KITLG: variants seen among roughly 807,000 people sequenced by gnomAD.
KITLG encodes the protein KIT ligand, also known as c-Kit ligand.
In KITLG, 13 loss-of-function variants were observed where a neutral mutation model predicts 34.1. That is an observed-to-expected ratio of 0.38 (90% confidence interval 0.25 to 0.61). The LOEUF is 0.61. Among genes scored for constraint, KITLG ranks in the 20% least tolerant of loss-of-function variants. KITLG has a pLI of 0.60. For synonymous variants in KITLG, 110 were observed against 104.0 expected (o/e 1.06, Z -0.35); for missense variants, 292 against 318.9 (o/e 0.92, Z 0.64).
intron 3 of KITLG, among the ~76,000 whole-genome samples, chr12:88,524,322 A>C (rs1869788497): frequency 6.6e-6 from 1 of 152,210 alleles, no homozygotes; most frequent in Non-Finnish European, 1.5e-5. Context: ...ACTTTTAAGT[A>C]TGTTTGGAAA....
intron 3 of KITLG, among the ~76,000 whole-genome samples, chr12:88,522,790 A>G (rs1326365849): frequency 6.6e-6 from 1 of 152,164 alleles, no homozygotes; most frequent in Non-Finnish European, 1.5e-5. Context: ...AAAGTAGACA[A>G]AATAATACTG....
chr12:88,506,963 G>A (rs1869086298), intron 7 of KITLG, 65 bp downstream of exon 7: 1 of 922,022 alleles, frequency 1.1e-6, no homozygotes, highest in Admixed American at 1.7e-5. Context: ...CATTTCTTGA[G>A]GAAAAAAAGA....
intron 8 of KITLG, 41 bp from the exon 9 acceptor site, chr12:88,505,276 A>G (rs377048625): frequency 4.0e-6 from 6 of 1,487,442 alleles, no homozygotes; most frequent in Non-Finnish European, 5.6e-6. Context: ...GCTCTTGGTC[A>G]GAGATTCTGA....
intron 1 of KITLG, among the ~76,000 whole-genome samples, chr12:88,567,931 T>C (rs1001388396): frequency 2.6e-5 from 4 of 152,242 alleles, no homozygotes; most frequent in Non-Finnish European, 4.4e-5. Flanking sequence ...AAGCTATTCA[T>C]GATCATACTA....
rs116542818 is a variant in KITLG at position 88,523,903 on chromosome 12, T to C, written c.193-5036A>G. ...AATTAAAGTGCCGTAGAAATCTCAA[T>C]CTGATTAAGATGGTAATCAACCAAA... On this transcript the variant is annotated intron_variant, in intron 3 of 9. Coordinates refer to ENST00000644744, the MANE Select transcript of KITLG (RefSeq NM_000899.5). Among the ~76,000 whole-genome samples, 714 of 152,332 alleles carry C rather than the reference T, an allele frequency of 4.7e-3. 5 individuals carry two copies. The highest frequency in any genetic ancestry group is 0.017 in the African/African-American group (700 of 41,566).
intron 9 of KITLG, among the ~76,000 whole-genome samples, chr12:88,499,503 C>G (rs1592834690): frequency 6.6e-6 from 1 of 152,288 alleles, no homozygotes; most frequent in East Asian, 1.9e-4. Flanking sequence ...TGTGACTAAG[C>G]AATTTCTCTT....
At chr12:88,534,570 T>C (rs529779139) in intron 2 of KITLG, 1 of 407,000 alleles carries the variant, frequency 2.5e-6, no homozygotes, top group Admixed American at 3.8e-5. Context: ...TTTTGCTATG[T>C]TGGCCAGTCT....
chr12:88,571,529 C>G (rs1404788010), intron 1 of KITLG, among the ~76,000 whole-genome samples: 1 of 152,184 alleles, frequency 6.6e-6, no homozygotes, highest in Admixed American at 6.5e-5. Context: ...CCTTGCCAGT[C>G]ATGCACCAAA....
intron 1 of KITLG, among the ~76,000 whole-genome samples, chr12:88,558,994 C>T (rs973587980): frequency 1.3e-5 from 2 of 151,902 alleles, no homozygotes; most frequent in East Asian, 3.9e-4. Context: ...GATGGGTGCA[C>T]CAAAATCTCA....
intron 9 of KITLG, among the ~76,000 whole-genome samples, chr12:88,497,849 T>TTTCTTCCAGCTGAGGAAATA (rs1249010945): frequency 3.9e-5 from 6 of 152,170 alleles, no homozygotes; most frequent in Admixed American, 1.3e-4. Context: ...CTAGCAATCA[T>TTTCTTCCAGCTGAGGAAATA]TTCTTCCAGC....
intron 1 of KITLG, among the ~76,000 whole-genome samples, chr12:88,558,985 A>G (rs930388739): frequency 1.3e-5 from 2 of 152,180 alleles, no homozygotes; most frequent in African/African-American, 4.8e-5. Flanking sequence ...TACTTGGGTG[A>G]TGGGTGCACC....
rs1868482557 is a variant in KITLG, at chr12:88,493,458, A to G, written c.*3761T>C. On this transcript the variant is annotated 3_prime_UTR_variant, in exon 10 of 10. Coordinates refer to ENST00000644744, the MANE Select transcript of KITLG (RefSeq NM_000899.5). ...CAAGACTAGTTAATGGAAAGCAGCA[A>G]CATTATGAATTGTGTGATCAAACTC... The G allele has an allele frequency of 6.6e-6, 1 of 152,250 alleles. No individual in the cohort carries two copies. The highest frequency in any genetic ancestry group is 6.6e-5 in the Admixed American group (1 of 15,212). The allele number at this position is 152,250 out of a possible 1,614,324, so 9.4% of individuals were successfully genotyped here.
intron 1 of KITLG, among the ~76,000 whole-genome samples, chr12:88,576,740 A>G (rs1437144290): frequency 6.6e-6 from 1 of 152,138 alleles, no homozygotes; most frequent in Non-Finnish European, 1.5e-5. Context: ...ATATATGCTC[A>G]GATATGGTTT....
At chr12:88,558,705 G>A (rs1871184212) in intron 1 of KITLG, among the ~76,000 whole-genome samples, 1 of 152,138 alleles carries the variant, frequency 6.6e-6, no homozygotes. Flanking sequence ...GCATGTCAGA[G>A]GGAATCCAAA....
intron 1 of KITLG, among the ~76,000 whole-genome samples, chr12:88,560,194 C>A (rs1171436661): frequency 1.3e-5 from 2 of 152,162 alleles, no homozygotes; most frequent in Non-Finnish European, 2.9e-5. Flanking sequence ...TCTATGAGAA[C>A]ATTACATGAC....
chr12:88,573,485 C>T (rs1286764237), intron 1 of KITLG, among the ~76,000 whole-genome samples: 1 of 152,142 alleles, frequency 6.6e-6, no homozygotes, highest in Non-Finnish European at 1.5e-5. Context: ...CTCAAATACT[C>T]ACATTTAGGT....
intron 1 of KITLG, 23 bp from the exon 2 acceptor site, chr12:88,545,888 C>T (rs776977070): frequency 2.1e-6 from 3 of 1,406,168 alleles, no homozygotes; most frequent in Non-Finnish European, 3.0e-6. Flanking sequence ...AGAAAAATTG[C>T]TTGGTGATCA....
chr12:88,569,094 C>T (rs1871555219), intron 1 of KITLG, among the ~76,000 whole-genome samples: 1 of 152,112 alleles, frequency 6.6e-6, no homozygotes, highest in Non-Finnish European at 1.5e-5. Flanking sequence ...GAAAAGTAGG[C>T]AATCACTCAC....
intron 1 of KITLG, among the ~76,000 whole-genome samples, chr12:88,572,019 C>T (rs1032977119): frequency 6.6e-6 from 1 of 152,090 alleles, no homozygotes; most frequent in African/African-American, 2.4e-5. Context: ...CTACTAAGTG[C>T]CATTTTGGCA....
Sources: gnomAD v4.1 joint callset for allele counts (sites outside exome capture counted in the v4.1 genomes callset) on GRCh38, gnomAD v4.1.1 for gene constraint, MANE v1.5 for transcripts, NCBI Gene and HGNC (gene_info 2026-07-23, HGNC 2026-07-21) for gene names.